The following RPS6KB2 variants were observed in gnomAD, a reference collection of about 807,000 sequenced individuals.
RPS6KB2 encodes the protein ribosomal protein S6 kinase beta-2.
A neutral mutation model predicts 58.2 loss-of-function variants in RPS6KB2; 51 were observed. The ratio of observed to expected loss-of-function variants is 0.88; its 90% CI spans 0.70 to 1.11. The LOEUF (loss-of-function observed/expected upper bound fraction) is 1.11, where lower values mean the gene tolerates loss of function less well. Among genes scored for constraint, RPS6KB2 ranks in the 50% least tolerant of loss-of-function variants. The pLI is 0.00. For synonymous variants in RPS6KB2, 293 were observed against 258.6 expected (o/e 1.13, Z -1.28); for missense variants, 671 against 655.8 (o/e 1.02, Z -0.25).
rs1565146514 is a variant in RPS6KB2, at chr11:67,432,675, G to A, written c.515+18G>A. On this transcript the variant is annotated intron_variant, in intron 6 of 14. Transcript: ENST00000312629. ...ACGGCCTGGTGGGTGTTAATCCTCC[G>A]CTTTCCTGAGGCTGCCAGGTCCCTG... 5.0e-6 allele frequency: 8 copies of A among 1,613,892 alleles called. No homozygotes were observed. The highest frequency in any genetic ancestry group is 1.1e-5 in the South Asian group (1 of 91,088).
chr11:67,429,297 G>A, intron 3 of RPS6KB2, 57 bp downstream of exon 3: 2 of 1,602,974 alleles, frequency 1.2e-6, no homozygotes, highest in Non-Finnish European at 8.5e-7. Flanking sequence ...AGGCAGCAAA[G>A]GGTTCTCAAA....
chr11:67,431,454 G>A lies in RPS6KB2; in HGVS notation c.396G>A (p.Val132=), dbSNP rs780148598. 7 of 1,614,106 alleles carry A rather than the reference G, an allele frequency of 4.3e-6. No homozygotes were observed. Among genetic ancestry groups the A allele is most frequent in the Non-Finnish European group, 5.9e-6 (7 of 1,180,010 alleles). Residue 132 remains valine (V), a synonymous_variant, in exon 5 of 15, where the codon GTG becomes GTA. Coordinates refer to ENST00000312629, the MANE Select transcript of RPS6KB2 (RefSeq NM_003952.3). ...ILESVKHPFI[V]ELAYAFQTGG... ...AGTCAGTGAAGCACCCCTTTATTGTGGAACTGGCCTATGCCTTCCAGACTG... is the reference window on the plus strand; with the variant it reads ...AGTCAGTGAAGCACCCCTTTATTGTAGAACTGGCCTATGCCTTCCAGACTG...
At chr11:67,431,597 T>A in intron 5 of RPS6KB2, 82 bp downstream of exon 5, 1 of 1,446,212 alleles carries the variant, frequency 6.9e-7, no homozygotes, top group Non-Finnish European at 9.5e-7. Flanking sequence ...GGGGAAGCTC[T>A]TGAGAGATGA....
In RPS6KB2 at chr11:67,435,214, G is replaced by T; in HGVS notation, c.*45G>T. On this transcript the variant is annotated 3_prime_UTR_variant, in exon 15 of 15. Coordinates refer to ENST00000312629, the MANE Select transcript of RPS6KB2 (RefSeq NM_003952.3). ...GGTAGCCCTTGAGCCCTGTCCCTGC[G>T]GCTGTGAGAGCAGCAGGACCCTGGG... 10 of 1,463,228 alleles carry T rather than the reference G, an allele frequency of 6.8e-6. No individual in the cohort carries two copies. The highest frequency in any genetic ancestry group is 9.1e-6 in the Non-Finnish European group (10 of 1,100,490). 90.6% of individuals were successfully genotyped at this position (1,463,228 alleles called of 1,614,324 possible). A position where few individuals can be genotyped will look rare whatever the true frequency, so the allele number is the denominator to read the frequency against.
At chr11:67,432,540 C>G in intron 5 of RPS6KB2, 60 bp from the exon 6 acceptor site, 1 of 1,578,292 alleles carries the variant, frequency 6.3e-7, no homozygotes, top group Non-Finnish European at 8.7e-7. Flanking sequence ...GAAATAAAGA[C>G]TCAGAAAGCA....
Position 67,434,222 on chromosome 11 carries a change from A to C in RPS6KB2, c.994A>C (p.Asn332His). The C allele has an allele frequency of 6.2e-7, 1 of 1,613,928 alleles. No homozygotes were observed. The highest frequency in any genetic ancestry group is 2.2e-5 in the East Asian group (1 of 44,874). Reference sequence around the variant, plus strand: ...GAGACATCCCTTTTTCCGGCACATGAATTGGGACGACCTTCTGGCCTGGCG... The same window carrying C: ...GAGACATCCCTTTTTCCGGCACATGCATTGGGACGACCTTCTGGCCTGGCG... ...VQRHPFFRHM[N>H]WDDLLAWRVD... Residue 332 changes from asparagine to histidine, a missense_variant, in exon 12 of 15, where the codon AAT becomes CAT. Asn to His is a moderately conservative substitution (Grantham distance 68, BLOSUM62 1). Coordinates refer to ENST00000312629, the MANE Select transcript of RPS6KB2 (RefSeq NM_003952.3).
At chr11:67,429,457 G>A (rs752070253) in intron 3 of RPS6KB2, 70 bp from the exon 4 acceptor site, 278 of 1,489,914 alleles carry the variant, frequency 1.9e-4, no homozygotes, top group Non-Finnish European at 2.4e-4. Context: ...CAAAGCCAGA[G>A]CTTCAGGGTG....
intron 11 of RPS6KB2, 48 bp from the exon 12 acceptor site, chr11:67,434,150 G>T (rs200357791): frequency 6.2e-7 from 1 of 1,611,454 alleles, no homozygotes; most frequent in Admixed American, 1.7e-5. Flanking sequence ...TGACCGGGGG[G>T]CAAGCAGGGT....
Position 67,433,165 on chromosome 11 carries a change from T to C in RPS6KB2, c.747T>C (p.Ala249=), listed in dbSNP as rs761505205. 1.2e-6 allele frequency: 2 copies of C among 1,605,438 alleles called. No homozygotes were observed. Among genetic ancestry groups the C allele is most frequent in the East Asian group, 2.2e-5 (1 of 44,596 alleles). ...TGGTGCGCAGTGGCCACAACCGGGC[T>C]GTGGACTGGTGGAGCCTGGGGGCCC... The part of the protein sequence containing the change: ...EILVRSGHNR[A]VDWWSLGALM... The change falls in exon 9 of 15, where the codon GCT becomes GCC. Residue 249 remains alanine (A), a synonymous_variant. Coordinates refer to ENST00000312629, the MANE Select transcript of RPS6KB2 (RefSeq NM_003952.3).
intron 1 of RPS6KB2, 162 bp from the exon 2 acceptor site, chr11:67,428,820 G>A (rs1863926836): frequency 2.0e-6 from 2 of 984,730 alleles, no homozygotes; most frequent in African/African-American, 1.6e-5. Context: ...CTTTTCTCCC[G>A]ATTCTCCCTT....
In RPS6KB2 at chr11:67,435,354, C is replaced by G; in HGVS notation, c.*185C>G. On this transcript the variant is annotated 3_prime_UTR_variant, in exon 15 of 15. Coordinates refer to ENST00000312629, the MANE Select transcript of RPS6KB2 (RefSeq NM_003952.3). ...CATGGGCACGGAGGGCCGCCCGCCA[C>G]GCCCCGCGCTCAACTGCTCCCGTGG... 1.5e-6 allele frequency: 1 copy of G among 654,070 alleles called. No individual in the cohort carries two copies. The highest frequency in any genetic ancestry group is 2.6e-6 in the Non-Finnish European group (1 of 390,292). The allele number at this position is 654,070 out of a possible 1,614,324, so 40.5% of individuals were successfully genotyped here.
Position 67,434,654 on chromosome 11 carries a change from TC to T in RPS6KB2, c.1229del (p.Ser410TyrfsTer84). ...CTTCTCCTTCCAGCCCAAGCTGCGC[TC>T]ACCCAGGCGCCTCAACAGTAGCCCC... ...EGFSFQPKLR[S>X]PRRLNSSPRA... On this transcript the variant is annotated frameshift_variant, in exon 14 of 15. Transcript: ENST00000312629. LOFTEE classifies it high-confidence loss of function. The T allele has an allele frequency of 6.2e-7, 1 of 1,610,686 alleles. No homozygotes were observed. Among genetic ancestry groups the T allele is most frequent in the Non-Finnish European group, 8.5e-7 (1 of 1,179,288 alleles).
chr11:67,429,732 G>A, intron 4 of RPS6KB2, 137 bp downstream of exon 4: 1 of 698,632 alleles, frequency 1.4e-6, no homozygotes, highest in Admixed American at 2.2e-5. Flanking sequence ...TGTCTGTTGT[G>A]ATGTGTATTG....
Position 67,434,051 on chromosome 11 carries a change from T to C in RPS6KB2, c.963T>C (p.Asp321=), listed in dbSNP as rs1341062534. The change falls in exon 11 of 15, where the codon GAT becomes GAC. Residue 321 remains aspartate (D), a synonymous_variant. Transcript: ENST00000312629. ...GGGGTGGCCCAGGGGATGCTGCTGATGTGCAGGTGGGTTTGGGACCACCAC... is the reference window on the plus strand; with the variant it reads ...GGGGTGGCCCAGGGGATGCTGCTGACGTGCAGGTGGGTTTGGGACCACCAC... ...RIGGGPGDAA[D]VQRHPFFRHM... is the part of the protein sequence containing the mutation. 6.2e-7 allele frequency: 1 copy of C among 1,614,112 alleles called. No individual in the cohort carries two copies. The highest frequency in any genetic ancestry group is 1.1e-5 in the South Asian group (1 of 91,088).
chr11:67,434,508 G>T (rs761693337), intron 13 of RPS6KB2, 24 bp downstream of exon 13: 1 of 1,603,996 alleles, frequency 6.2e-7, no homozygotes, highest in Non-Finnish European at 8.5e-7. Flanking sequence ...CCTGAGGCCT[G>T]TGGGACCAGG....
rs758318756 is a variant in RPS6KB2 at position 67,428,584 on chromosome 11, A to G, written c.39A>G (p.Glu13=). ...TTGATTTGGATTTGGAGACGGAGGAAGGCAGCGAGGGCGAGGGCGAGCCAG... is the reference window on the plus strand; with the variant it reads ...TTGATTTGGATTTGGAGACGGAGGAGGGCAGCGAGGGCGAGGGCGAGCCAG... ...AVFDLDLETE[E]GSEGEGEPEL... is the part of the protein sequence containing the mutation. The change falls in exon 1 of 15, where the codon GAA becomes GAG. Residue 13 remains glutamate (E), a synonymous_variant. Transcript: ENST00000312629. 1.9e-6 allele frequency: 3 copies of G among 1,611,252 alleles called. No individual in the cohort carries two copies. The highest frequency in any genetic ancestry group is 1.3e-5 in the African/African-American group (1 of 75,012).
chr11:67,433,055 T>A lies in RPS6KB2; in HGVS notation c.707+13T>A. On this transcript the variant is annotated intron_variant, in intron 8 of 14. Coordinates refer to ENST00000312629, the MANE Select transcript of RPS6KB2 (RefSeq NM_003952.3). ...CCATTGAGTACATGTAAGTGGCACC[T>A]GGCTGGCCCAGGGGTCGGGAGGACA... The A allele has an allele frequency of 6.2e-7, 1 of 1,613,090 alleles. No homozygotes were observed. Among genetic ancestry groups the A allele is most frequent in the South Asian group, 1.1e-5 (1 of 91,080 alleles).
intron 5 of RPS6KB2, 78 bp from the exon 6 acceptor site, chr11:67,432,522 C>T (rs1864061240): frequency 6.7e-7 from 1 of 1,503,508 alleles, no homozygotes; most frequent in Admixed American, 1.7e-5. Flanking sequence ...CCCCTCTTTC[C>T]CCAAGAAGAA....
intron 9 of RPS6KB2, 58 bp from the exon 10 acceptor site, chr11:67,433,282 C>A: frequency 6.2e-7 from 1 of 1,605,058 alleles, no homozygotes. Context: ...CCTCCTGGGG[C>A]AAGGGCAGGG....
Sources: gnomAD v4.1 joint callset for allele counts on GRCh38, gnomAD v4.1.1 for gene constraint, MANE v1.5 for transcripts, NCBI Gene and HGNC (gene_info 2026-07-23, HGNC 2026-07-21) for gene names.